The following EZH2 variants were observed in gnomAD, a reference collection of about 807,000 sequenced individuals.
EZH2 encodes enhancer of zeste 2 polycomb repressive complex 2 subunit, also known as histone-lysine N-methyltransferase EZH2.
A neutral mutation model predicts 98.4 loss-of-function variants in EZH2; 18 were observed. That is an observed-to-expected ratio of 0.18 (90% CI 0.13 to 0.27). The LOEUF (loss-of-function observed/expected upper bound fraction) is 0.27. EZH2 is among the 10% of genes least tolerant of loss of function. EZH2 has a pLI of 1.00. For synonymous variants in EZH2, 338 were observed against 312.3 expected (o/e 1.08, Z -0.87); for missense variants, 470 against 935.1 (o/e 0.50, Z 6.49).
intron 3 of EZH2, chr7:148,836,792 C>A: frequency 2.1e-6 from 1 of 484,856 alleles, no homozygotes; most frequent in Admixed American, 2.3e-5. Context: ...TGGTAAGTAA[C>A]CAGGTTCCTC....
chr7:148,830,740 C>G (rs993146420), intron 4 of EZH2, among the ~76,000 whole-genome samples: 1 of 152,008 alleles, frequency 6.6e-6, no homozygotes, highest in Non-Finnish European at 1.5e-5. Flanking sequence ...GAAGAATAGC[C>G]AATCAAACAA....
chr7:148,813,691 T>C (rs1463301793), intron 15 of EZH2, among the ~76,000 whole-genome samples: 2 of 151,892 alleles, frequency 1.3e-5, no homozygotes, highest in South Asian at 2.1e-4. Flanking sequence ...AAAAAATACC[T>C]CTTATTCCTA....
At chr7:148,818,235 TC>T (rs1337866137) in intron 9 of EZH2, 118 bp from the exon 10 acceptor site, 9 of 1,043,292 alleles carry the variant, frequency 8.6e-6, no homozygotes, top group Admixed American at 2.8e-5. Context: ...TATCCATTTA[TC>T]ACAAATAATC....
At chr7:148,867,405 C>G (rs574493046) in intron 1 of EZH2, among the ~76,000 whole-genome samples, 15 of 152,250 alleles carry the variant, frequency 9.9e-5, no homozygotes, top group Non-Finnish European at 1.9e-4. Context: ...CAGATGAAGA[C>G]AATTTGTTTT....
intron 1 of EZH2, among the ~76,000 whole-genome samples, chr7:148,867,033 TTACCCA>T (rs1818652784): frequency 6.7e-6 from 1 of 149,504 alleles, no homozygotes; most frequent in African/African-American, 2.4e-5. Context: ...TCTTTATAAA[TTACCCA>T]GTCTTGGCCA....
chr7:148,834,288 A>AC (rs1030331134), intron 3 of EZH2, among the ~76,000 whole-genome samples: 2 of 151,938 alleles, frequency 1.3e-5, no homozygotes, highest in African/African-American at 4.8e-5. Context: ...TCCACAATCA[A>AC]TGAAAATAGA....
Position 148,817,566 on chromosome 7 carries a change from A to G in EZH2, c.1241-175T>C, listed in dbSNP as rs546782044. 2.7e-5 allele frequency: 19 copies of G among 692,900 alleles called. No homozygotes were observed. The South Asian group carries it at 3.4e-4, about 12-fold the overall frequency. The allele number at this position is 692,900 out of a possible 1,614,324, so 42.9% of individuals were successfully genotyped here. A position where few individuals can be genotyped will look rare whatever the true frequency, so the allele number is the denominator to read the frequency against. ...CAACAAAACTACTCACAGAACGTCA[A>G]GAATATTAAACCAAATGATCCAAAT... On this transcript the variant is annotated intron_variant, in intron 10 of 19. Transcript: ENST00000320356.
chr7:148,844,051 A>C (rs1813285278), intron 3 of EZH2, among the ~76,000 whole-genome samples: 1 of 152,052 alleles, frequency 6.6e-6, no homozygotes, highest in African/African-American at 2.4e-5. Context: ...GGCACTTCAA[A>C]TGTTGAATGC....
chr7:148,813,244 A>C (rs1043797824), intron 15 of EZH2, among the ~76,000 whole-genome samples: 1 of 152,082 alleles, frequency 6.6e-6, no homozygotes, highest in Non-Finnish European at 1.5e-5. Context: ...TAAAGCACTC[A>C]CAACAGTGCC....
chr7:148,851,396 C>T (rs1313831063), intron 1 of EZH2, among the ~76,000 whole-genome samples: 4 of 152,026 alleles, frequency 2.6e-5, no homozygotes, highest in African/African-American at 7.3e-5. Flanking sequence ...AGTCTGGCAA[C>T]AAAAACGAAA....
At position 148,817,350 on chromosome 7, in the gene EZH2, T is replaced by G. The variant is rs776246781; in HGVS notation, c.1282A>C (p.Asn428His). The change falls in exon 11 of 20, where the codon AAT becomes CAT. Residue 428 changes from asparagine (N) to histidine (H), a missense_variant. Coordinates refer to ENST00000320356, the MANE Select transcript of EZH2 (RefSeq NM_004456.5). ...TCCACATTCTCAGGAGGTTCAATAT[T>G]TGGCTTCATCTTTATTGGTGTTTGA... Reference protein sequence around the residue: ...RCQTPIKMKPNIEPPENVEWS... With the variant: ...RCQTPIKMKPHIEPPENVEWS... The G allele has an allele frequency of 6.2e-7, 1 of 1,613,998 alleles. No homozygotes were observed. The highest frequency in any genetic ancestry group is 8.5e-7 in the Non-Finnish European group (1 of 1,180,014).
intron 3 of EZH2, among the ~76,000 whole-genome samples, chr7:148,835,405 C>T (rs1810618821): frequency 1.4e-5 from 2 of 146,282 alleles, no homozygotes; most frequent in Admixed American, 7.0e-5. Context: ...GCCTGGGTGA[C>T]GACGGGAGAC....
chr7:148,817,644 G>T, intron 10 of EZH2: 1 of 667,834 alleles, frequency 1.5e-6, no homozygotes, highest in Non-Finnish European at 2.5e-6. Context: ...CACAAAGAAT[G>T]AGAATAAAGT....
intron 3 of EZH2, among the ~76,000 whole-genome samples, chr7:148,843,696 C>T (rs1229061289): frequency 2.7e-5 from 4 of 145,648 alleles, no homozygotes; most frequent in African/African-American, 1.0e-4. Context: ...CCCAGGTTCA[C>T]GCCATTCTCC....
At chr7:148,813,365 C>T (rs886767339) in intron 15 of EZH2, among the ~76,000 whole-genome samples, 1 of 151,162 alleles carries the variant, frequency 6.6e-6, no homozygotes, top group African/African-American at 2.4e-5. Flanking sequence ...TTCCCAAATA[C>T]ATGCTGCTGA....
intron 9 of EZH2, among the ~76,000 whole-genome samples, chr7:148,818,434 T>C (rs985640261): frequency 2.6e-5 from 4 of 152,196 alleles, no homozygotes; most frequent in Non-Finnish European, 4.4e-5. Flanking sequence ...AAGTATGAAA[T>C]ATACTTCATG....
intron 19 of EZH2, among the ~76,000 whole-genome samples, chr7:148,808,048 G>T (rs569087561): frequency 1.1e-4 from 16 of 152,306 alleles, no homozygotes; most frequent in Admixed American, 3.3e-4. Context: ...TAGGCCTGAC[G>T]CTGGGAAGGC....
chr7:148,856,204 T>C (rs977219855), intron 1 of EZH2, among the ~76,000 whole-genome samples: 7 of 152,192 alleles, frequency 4.6e-5, no homozygotes, highest in Non-Finnish European at 1.0e-4. Context: ...AGCTGGTAAA[T>C]TTGTTTCTCA....
intron 1 of EZH2, among the ~76,000 whole-genome samples, chr7:148,854,876 T>C (rs1269496020): frequency 6.6e-6 from 1 of 152,254 alleles, no homozygotes; most frequent in East Asian, 1.9e-4. Context: ...AAATCAATGG[T>C]AAATGAGATT....
Sources: allele counts gnomAD v4.1 joint callset (sites outside exome capture counted in the v4.1 genomes callset), GRCh38; gene constraint gnomAD v4.1.1; transcripts MANE v1.5; gene names NCBI Gene and HGNC (gene_info 2026-07-23, HGNC 2026-07-21).